MBD5: variants seen among roughly 807,000 people sequenced by gnomAD.
MBD5 encodes methyl-CpG binding domain protein 5, also known as methyl-CpG-binding domain protein 5.
In MBD5, 13 loss-of-function variants were observed where a neutral mutation model predicts 117.3. That is an observed-to-expected ratio of 0.11 (90% CI 0.07 to 0.18). MBD5 has a LOEUF of 0.18. MBD5 is among the 10% of genes least tolerant of loss of function. The pLI is 1.00. For synonymous variants in MBD5, 727 were observed against 766.4 expected (o/e 0.95, Z 0.85); for missense variants, 1,879 against 2,093.8 (o/e 0.90, Z 2.00).
At chr2:148,282,288 C>A (rs1276497002) in intron 3 of MBD5, among the ~76,000 whole-genome samples, 3 of 152,060 alleles carry the variant, frequency 2.0e-5, no homozygotes, top group Non-Finnish European at 2.9e-5. Context: ...ATATATGATT[C>A]ATTCTATTTA....
At chr2:148,287,611 GA>G (rs1216211053) in intron 3 of MBD5, among the ~76,000 whole-genome samples, 1 of 152,172 alleles carries the variant, frequency 6.6e-6, no homozygotes, top group African/African-American at 2.4e-5. Flanking sequence ...AATTTATAAA[GA>G]AAAACGTATT....
chr2:148,095,701 T>C (rs1250077576), intron 1 of MBD5, among the ~76,000 whole-genome samples: 2 of 152,078 alleles, frequency 1.3e-5, no homozygotes, highest in Non-Finnish European at 2.9e-5. Context: ...AATACCTATT[T>C]TAAAATTAAT....
At chr2:148,273,137 A>C (rs1388907635) in intron 3 of MBD5, among the ~76,000 whole-genome samples, 1 of 152,156 alleles carries the variant, frequency 6.6e-6, no homozygotes, top group Non-Finnish European at 1.5e-5. Context: ...TATGACAGTG[A>C]GAGAAATCTG....
At chr2:148,125,900 T>C (rs1696877181) in intron 1 of MBD5, among the ~76,000 whole-genome samples, 1 of 152,158 alleles carries the variant, frequency 6.6e-6, no homozygotes, top group Non-Finnish European at 1.5e-5. Flanking sequence ...AGTTCTTTGC[T>C]ATGCTGAAAA....
At chr2:148,261,273 T>G (rs1026861942) in intron 3 of MBD5, among the ~76,000 whole-genome samples, 2 of 152,206 alleles carry the variant, frequency 1.3e-5, no homozygotes, top group Non-Finnish European at 2.9e-5. Context: ...ACTTCTCCTC[T>G]AACTGTGAAA....
At position 148,483,381 on chromosome 2, in the gene MBD5, A is replaced by G; in HGVS notation, c.2790A>G (p.Gln930=). The change falls in exon 9 of 14, where the codon CAA becomes CAG. Residue 930 remains glutamine (Q), a synonymous_variant. Transcript: ENST00000642680. The part of the protein sequence containing the change: ...SSLPISLPVN[Q]QHLLNQNLLN... ...TACCTATCTCTTTGCCAGTGAATCA[A>G]CAGCATCTCCTAAACCAGAATCTAT... is the stretch of plus-strand genomic sequence containing the variant. 1 of 1,614,060 alleles carries G rather than the reference A, an allele frequency of 6.2e-7. No homozygotes were observed. Among genetic ancestry groups the G allele is most frequent in the Non-Finnish European group, 8.5e-7 (1 of 1,179,982 alleles).
chr2:148,208,549 G>A (rs1558973147), intron 2 of MBD5, among the ~76,000 whole-genome samples: 1 of 152,034 alleles, frequency 6.6e-6, no homozygotes, highest in South Asian at 2.1e-4. Flanking sequence ...GAACCACCAC[G>A]CCAGGCTATA....
At position 148,138,544 on chromosome 2, in the gene MBD5, A is replaced by G. The variant is rs1033469869; in HGVS notation, c.-924-40156A>G. ...GTATAGAAGAATGTCACCTCGGGAA[A>G]GATAATGGAGAAATTGTTATTTATA... On this transcript the variant is annotated intron_variant, in intron 1 of 13. Coordinates refer to ENST00000642680, the MANE Select transcript of MBD5 (RefSeq NM_001378120.1). Among the ~76,000 whole-genome samples the G allele has an allele frequency of 5.3e-5, 8 of 152,324 alleles. No individual in the cohort carries two copies. In the South Asian group the frequency reaches 6.2e-4, roughly 12 times the overall value.
At chr2:148,031,395 G>T (rs1694036184) in intron 1 of MBD5, among the ~76,000 whole-genome samples, 1 of 152,008 alleles carries the variant, frequency 6.6e-6, no homozygotes, top group South Asian at 2.1e-4. Context: ...TTTTGGGGAG[G>T]ACCTGAGTTA....
At chr2:148,356,648 G>C (rs867903521) in intron 4 of MBD5, among the ~76,000 whole-genome samples, 1 of 151,990 alleles carries the variant, frequency 6.6e-6, no homozygotes, top group Non-Finnish European at 1.5e-5. Flanking sequence ...CAATTTTTCC[G>C]TTTTCTTAGA....
chr2:148,329,757 A>G (rs1347453930), intron 3 of MBD5, among the ~76,000 whole-genome samples: 1 of 152,206 alleles, frequency 6.6e-6, no homozygotes, highest in East Asian at 1.9e-4. Context: ...TATACAAAAT[A>G]TGTATTCACA....
chr2:148,089,337 A>G (rs1270182287), intron 1 of MBD5, among the ~76,000 whole-genome samples: 2 of 152,010 alleles, frequency 1.3e-5, no homozygotes, highest in African/African-American at 4.8e-5. Flanking sequence ...ACACCCTAGA[A>G]AAAATGGACT....
At chr2:148,328,978 A>T (rs2123616) in intron 3 of MBD5, among the ~76,000 whole-genome samples, 85,920 of 152,060 alleles carry the variant, frequency 0.57, 24,700 homozygotes, top group Admixed American at 0.68. Context: ...GCTCAATTTT[A>T]AAATTCTTAA....
intron 1 of MBD5, among the ~76,000 whole-genome samples, chr2:148,177,349 A>T (rs1357695902): frequency 6.6e-6 from 1 of 152,170 alleles, no homozygotes; most frequent in East Asian, 1.9e-4. Flanking sequence ...CTGAACCAGA[A>T]CTGTGGGCAT....
At position 148,489,396 on chromosome 2, in the gene MBD5, A is replaced by G; in HGVS notation, c.3764A>G (p.Gln1255Arg). Residue 1255 changes from glutamine to arginine, a missense_variant, in exon 11 of 14, where the codon CAG becomes CGG. Gln to Arg is a conservative substitution (Grantham distance 43). This residue lies in a region of MBD5 where 1,666 missense variants were observed against 1,792.2 expected (regional missense o/e 0.93). Coordinates refer to ENST00000642680, the MANE Select transcript of MBD5 (RefSeq NM_001378120.1). Reference protein sequence around the residue: ...CLFQNFQVRMQEDAALLNKRI... With the variant: ...CLFQNFQVRMREDAALLNKRI... ...GTCTATTTCTTCAAGGTGAGAATGC[A>G]GGAAGATGCAGCTCTCCTAAACAAA... 6.2e-7 allele frequency: 1 copy of G among 1,614,122 alleles called. No homozygotes were observed. The highest frequency in any genetic ancestry group is 8.5e-7 in the Non-Finnish European group (1 of 1,180,022).
chr2:148,263,263 A>G (rs1700774925), intron 3 of MBD5, among the ~76,000 whole-genome samples: 2 of 152,194 alleles, frequency 1.3e-5, no homozygotes, highest in Admixed American at 6.5e-5. Context: ...AGGGAAATGT[A>G]GGATTGCTAA....
At chr2:148,338,088 C>T (rs910829860) in intron 3 of MBD5, among the ~76,000 whole-genome samples, 5 of 152,112 alleles carry the variant, frequency 3.3e-5, no homozygotes, top group Non-Finnish European at 5.9e-5. Context: ...CTGTTACTTA[C>T]AAGAATTTTT....
intron 1 of MBD5, among the ~76,000 whole-genome samples, chr2:148,152,338 C>T (rs1697701907): frequency 6.6e-6 from 1 of 152,078 alleles, no homozygotes; most frequent in African/African-American, 2.4e-5. Context: ...TTTACATTTG[C>T]TGAGGAGAGC....
chr2:148,333,839 C>T (rs1466648666), intron 3 of MBD5, among the ~76,000 whole-genome samples: 1 of 151,858 alleles, frequency 6.6e-6, no homozygotes, highest in Non-Finnish European at 1.5e-5. Flanking sequence ...GCCTGGACAA[C>T]AGAGCAAGAC....
Sources: gnomAD v4.1 joint callset for allele counts (sites outside exome capture counted in the v4.1 genomes callset) on GRCh38, gnomAD v4.1.1 for gene constraint, gnomAD v4.1.1 regional missense constraint, MANE v1.5 for transcripts, NCBI Gene and HGNC (gene_info 2026-07-23, HGNC 2026-07-21) for gene names.